Variants in GRAP2 observed in about 807,000 individuals in gnomAD.
GRAP2 encodes GRB2 related adaptor protein 2, also known as GRB2-related adapter protein 2.
In GRAP2, 31 loss-of-function variants were observed where a neutral mutation model predicts 43.5. That is an observed-to-expected ratio of 0.71 (90% CI 0.54 to 0.96). The LOEUF (loss-of-function observed/expected upper bound fraction) is 0.96, where lower values mean the gene tolerates loss of function less well. Ranked by LOEUF, GRAP2 falls within the 40% of genes least tolerant of loss-of-function variation. The pLI is 0.00. For synonymous variants in GRAP2, 156 were observed against 164.8 expected, an observed-to-expected ratio of 0.95 and a Z score of 0.41; for missense variants, 371 against 424.4, an observed-to-expected ratio of 0.87 and a Z score of 1.11.
intron 1 of GRAP2, chr22:39,926,622 G>C: frequency 1.0e-6 from 1 of 985,388 alleles, no homozygotes; most frequent in Non-Finnish European, 1.2e-6. Flanking sequence ...TGCTGGACCG[G>C]TTCGTGTTAA....
intron 1 of GRAP2, among the ~76,000 whole-genome samples, chr22:39,921,576 A>G (rs1045374284): frequency 3.9e-5 from 6 of 152,138 alleles, no homozygotes; most frequent in Non-Finnish European, 8.8e-5. Flanking sequence ...TTGGAGTACA[A>G]TCTTTTATTA....
chr22:39,938,451 T>C (rs1318403876), intron 1 of GRAP2, among the ~76,000 whole-genome samples: 2 of 152,170 alleles, frequency 1.3e-5, no homozygotes, highest in African/African-American at 4.8e-5. Flanking sequence ...ATTTGGAAAC[T>C]AGGAAGAAAT....
chr22:39,935,548 G>C (rs1301142832), intron 1 of GRAP2, among the ~76,000 whole-genome samples: 1 of 152,288 alleles, frequency 6.6e-6, no homozygotes, highest in East Asian at 1.9e-4. Flanking sequence ...TTTGATGAAA[G>C]GAATTTGCCA....
chr22:39,968,337 TG>T (rs1292261097), intron 6 of GRAP2, 65 bp downstream of exon 6: 3 of 1,564,548 alleles, frequency 1.9e-6, no homozygotes, highest in African/African-American at 2.7e-5. Flanking sequence ...CCTCCAGGCC[TG>T]GCCCAGCCTC....
intron 1 of GRAP2, among the ~76,000 whole-genome samples, chr22:39,927,047 C>A (rs2066709793): frequency 6.6e-6 from 1 of 152,148 alleles, no homozygotes; most frequent in African/African-American, 2.4e-5. Context: ...ATTGCTTCTC[C>A]CAGAGAGAAA....
chr22:39,940,476 C>A (rs541937668), intron 1 of GRAP2, among the ~76,000 whole-genome samples: 8 of 151,088 alleles, frequency 5.3e-5, no homozygotes, highest in African/African-American at 1.7e-4. Flanking sequence ...TACAGGCGAG[C>A]CATAAGGTAG....
chr22:39,921,698 G>A (rs2066654135), intron 1 of GRAP2, among the ~76,000 whole-genome samples: 1 of 152,154 alleles, frequency 6.6e-6, no homozygotes, highest in African/African-American at 2.4e-5. Context: ...TCCAGATGTA[G>A]TACACACAGA....
chr22:39,931,118 C>G (rs1293055933), intron 1 of GRAP2, among the ~76,000 whole-genome samples: 1 of 152,200 alleles, frequency 6.6e-6, no homozygotes, highest in African/African-American at 2.4e-5. Flanking sequence ...TCTTCATGCT[C>G]TACACAGGGC....
intron 4 of GRAP2, chr22:39,964,729 A>AAAAC (rs1343540347): frequency 2.0e-6 from 1 of 494,940 alleles, no homozygotes; most frequent in Non-Finnish European, 3.5e-6. Flanking sequence ...AAAAAAAAAA[A>AAAAC]AAAAATCTTC....
At chr22:39,935,256 A>G (rs1380409712) in intron 1 of GRAP2, among the ~76,000 whole-genome samples, 1 of 152,186 alleles carries the variant, frequency 6.6e-6, no homozygotes, top group Non-Finnish European at 1.5e-5. Context: ...AATTCAGATG[A>G]AAGAGCTTTT....
intron 1 of GRAP2, chr22:39,926,788 G>A (rs934926385): frequency 2.5e-5 from 25 of 984,520 alleles, no homozygotes; most frequent in Middle Eastern, 5.2e-4. Flanking sequence ...CAGCAGGTTC[G>A]CCCAAACAAT....
intron 1 of GRAP2, among the ~76,000 whole-genome samples, chr22:39,905,981 A>G (rs545523217): frequency 2.6e-5 from 4 of 152,208 alleles, no homozygotes; most frequent in Non-Finnish European, 5.9e-5. Flanking sequence ...CTAAGCCCAG[A>G]TAAGTACTCT....
chr22:39,918,470 C>T (rs1040329667), intron 1 of GRAP2, among the ~76,000 whole-genome samples: 6 of 152,154 alleles, frequency 3.9e-5, no homozygotes, highest in Non-Finnish European at 5.9e-5. Context: ...TGCCGTGTTT[C>T]GACACTGAGT....
At chr22:39,926,616 G>A (rs902276433) in intron 1 of GRAP2, 1 of 985,228 alleles carries the variant, frequency 1.0e-6, no homozygotes, top group Non-Finnish European at 1.2e-6. Context: ...ATTCTATGCT[G>A]GACCGGTTCG....
intron 1 of GRAP2, among the ~76,000 whole-genome samples, chr22:39,913,066 G>C (rs545179501): frequency 3.9e-4 from 60 of 151,962 alleles, no homozygotes; most frequent in African/African-American, 1.4e-3. Context: ...GGTGGCGGGC[G>C]CCTGTAATCC....
At chr22:39,899,317 A>G (rs1219601901), upstream of GRAP2, among the ~76,000 whole-genome samples, 1 of 152,186 alleles carries the variant, frequency 6.6e-6, no homozygotes, top group Non-Finnish European at 1.5e-5. Flanking sequence ...AAACACCATG[A>G]TACTTTCCAT....
chr22:39,894,149 TAATG>T, the GRAP2 span, among the ~76,000 whole-genome samples: 1 of 151,758 alleles, frequency 6.6e-6, no homozygotes, highest in African/African-American at 2.4e-5. Flanking sequence ...GACAATAAAA[TAATG>T]TATGTAACTT....
intron 1 of GRAP2, among the ~76,000 whole-genome samples, chr22:39,907,458 G>C (rs2066531090): frequency 6.6e-6 from 1 of 152,212 alleles, no homozygotes; most frequent in South Asian, 2.1e-4. Flanking sequence ...TCCTGATGGA[G>C]CTTTAAAAAG....
At chr22:39,945,904 A>G (rs1297616252) in intron 1 of GRAP2, among the ~76,000 whole-genome samples, 2 of 152,230 alleles carry the variant, frequency 1.3e-5, no homozygotes, top group African/African-American at 4.8e-5. Context: ...TCTGTCACCC[A>G]GGCTGGAGTA....
Sources: allele counts gnomAD v4.1 joint callset (sites outside exome capture counted in the v4.1 genomes callset), GRCh38; gene constraint gnomAD v4.1.1; transcripts MANE v1.5; gene names NCBI Gene and HGNC (gene_info 2026-07-23, HGNC 2026-07-21).